Variants in STXBP5 observed in about 807,000 individuals in gnomAD.
The protein encoded by STXBP5 is syntaxin binding protein 5.
A neutral mutation model predicts 152.4 loss-of-function variants in STXBP5; 50 were observed. The ratio of observed to expected loss-of-function variants is 0.33; its 90% CI spans 0.26 to 0.42. The LOEUF is 0.42. Among genes scored for constraint, STXBP5 ranks in the 10% least tolerant of loss-of-function variants. The pLI is 1.00. For synonymous variants in STXBP5, 492 were observed against 494.7 expected, an observed-to-expected ratio of 0.99 and a Z score of 0.07; for missense variants, 1,167 against 1,388.6, an observed-to-expected ratio of 0.84 and a Z score of 2.54.
At chr6:147,354,378 C>T (rs1272017045) in intron 22 of STXBP5, among the ~76,000 whole-genome samples, 2 of 151,620 alleles carry the variant, frequency 1.3e-5, no homozygotes, top group Non-Finnish European at 2.9e-5. Flanking sequence ...TAGTAGAACC[C>T]TATAATATCC....
chr6:147,339,605 TTC>T (rs1783998621), intron 21 of STXBP5, among the ~76,000 whole-genome samples: 2 of 152,004 alleles, frequency 1.3e-5, no homozygotes, highest in African/African-American at 4.8e-5. Context: ...CAGTGTGAAT[TTC>T]TCTGTTAATT....
chr6:147,306,362 G>T (rs1044250023), intron 9 of STXBP5, among the ~76,000 whole-genome samples: 3 of 152,228 alleles, frequency 2.0e-5, no homozygotes, highest in Admixed American at 2.0e-4. Context: ...CATGGAGGGG[G>T]CCCCCAACTC....
chr6:147,383,666 A>C (rs566636100), intron 27 of STXBP5, among the ~76,000 whole-genome samples: 1 of 152,164 alleles, frequency 6.6e-6, no homozygotes, highest in Admixed American at 6.5e-5. Context: ...AGGTTACTTC[A>C]CACATCTAGT....
chr6:147,214,813 A>C (rs1471039496), intron 2 of STXBP5, among the ~76,000 whole-genome samples: 1 of 152,220 alleles, frequency 6.6e-6, no homozygotes, highest in Non-Finnish European at 1.5e-5. Context: ...AAGTAATGCA[A>C]ATCAGCAAAA....
In STXBP5 at chr6:147,386,501, G is replaced by A. The variant is rs1786345902; in HGVS notation, c.*1746G>A. 1 of 151,270 alleles carries A rather than the reference G, an allele frequency of 6.6e-6. No homozygotes were observed. The highest frequency in any genetic ancestry group is 1.5e-5 in the Non-Finnish European group (1 of 67,710). 9.4% of individuals were successfully genotyped at this position (151,270 alleles called of 1,614,324 possible). ...AGTTTACTTTAAATATCATTTGGTA[G>A]GGACTAAATGTGTGTGATAGAGATA... On this transcript the variant is annotated 3_prime_UTR_variant, in exon 28 of 28. Coordinates refer to ENST00000321680, the MANE Select transcript of STXBP5 (RefSeq NM_001127715.4).
chr6:147,355,088 T>A (rs1207572037), intron 22 of STXBP5, among the ~76,000 whole-genome samples: 3 of 152,126 alleles, frequency 2.0e-5, no homozygotes, highest in African/African-American at 4.8e-5. Context: ...TGCAGCACTG[T>A]ACTTGCACTA....
rs1052317212 is a variant in STXBP5 at position 147,287,933 on chromosome 6, A to G, written c.839-3161A>G. 3.9e-5 allele frequency among the ~76,000 whole-genome samples: 6 copies of G among 152,104 alleles called. No individual in the cohort carries two copies. The South Asian group carries it at 1.2e-3, about 32-fold the overall frequency. On this transcript the variant is annotated intron_variant, in intron 8 of 27. Transcript: ENST00000321680. ...CTTTTCCAGTGTCCTTGCCAGTGAT[A>G]GGTGTTATGAGTCATTTTACTTTTT...
intron 8 of STXBP5, among the ~76,000 whole-genome samples, chr6:147,286,716 A>G (rs1780979816): frequency 6.6e-6 from 1 of 152,138 alleles, no homozygotes; most frequent in Non-Finnish European, 1.5e-5. Flanking sequence ...GTAAAACCAA[A>G]GAGGGGAGGG....
At chr6:147,308,617 T>C (rs1782215818) in intron 9 of STXBP5, among the ~76,000 whole-genome samples, 2 of 152,240 alleles carry the variant, frequency 1.3e-5, no homozygotes, top group South Asian at 4.1e-4. Flanking sequence ...TAAATTTGTG[T>C]AGTGATAATT....
At chr6:147,317,472 G>C (rs1189496841) in intron 16 of STXBP5, among the ~76,000 whole-genome samples, 1 of 152,094 alleles carries the variant, frequency 6.6e-6, no homozygotes. Flanking sequence ...GCTTTTAGTA[G>C]ACACAACATG....
chr6:147,349,261 A>G (rs547346938), intron 21 of STXBP5, among the ~76,000 whole-genome samples: 2 of 152,272 alleles, frequency 1.3e-5, no homozygotes, highest in East Asian at 3.9e-4. Context: ...TTTCATCAGT[A>G]TATTGTTGTA....
chr6:147,261,969 A>C (rs1223669959), intron 5 of STXBP5, among the ~76,000 whole-genome samples: 1 of 151,948 alleles, frequency 6.6e-6, no homozygotes, highest in Non-Finnish European at 1.5e-5. Context: ...GTGCTGCATT[A>C]TTCAAAAATA....
chr6:147,251,343 T>A (rs1779086164), intron 4 of STXBP5, among the ~76,000 whole-genome samples: 1 of 152,022 alleles, frequency 6.6e-6, no homozygotes, highest in Non-Finnish European at 1.5e-5. Context: ...CTCCTGGGTT[T>A]CCAGCACAAA....
intron 21 of STXBP5, 139 bp from the exon 22 acceptor site, chr6:147,353,184 C>T: frequency 1.9e-6 from 1 of 539,464 alleles, no homozygotes; most frequent in Non-Finnish European, 3.2e-6. Flanking sequence ...TTACTTTCCA[C>T]TCCTAATATT....
rs1459252235 is a variant in STXBP5 at position 147,386,968 on chromosome 6, T to A, written c.*2213T>A. On this transcript the variant is annotated 3_prime_UTR_variant, in exon 28 of 28. Transcript: ENST00000321680. ...TCCTGTTGTATACAAAATGAACTAA[T>A]CTTGTAATTATTTTCAAATATAGAA... 3 of 151,806 alleles carry A rather than the reference T, an allele frequency of 2.0e-5. No individual in the cohort carries two copies. The East Asian group carries it at 5.8e-4, about 29-fold the overall frequency. The allele number at this position is 151,806 out of a possible 1,614,324, so 9.4% of individuals were successfully genotyped here. A position where few individuals can be genotyped will look rare whatever the true frequency, so the allele number is the denominator to read the frequency against.
intron 4 of STXBP5, among the ~76,000 whole-genome samples, chr6:147,259,656 G>A (rs1161607400): frequency 3.3e-5 from 5 of 152,012 alleles, no homozygotes; most frequent in African/African-American, 1.2e-4. Context: ...TGACAGGCTG[G>A]CAGTCATTAT....
In STXBP5 at chr6:147,363,587, G is replaced by A; in HGVS notation, c.2798G>A (p.Cys933Tyr). The A allele has an allele frequency of 6.2e-7, 1 of 1,614,176 alleles. No homozygotes were observed. Among genetic ancestry groups the A allele is most frequent in the East Asian group, 2.2e-5 (1 of 44,888 alleles). Residue 933 changes from cysteine to tyrosine, a missense_variant, in exon 24 of 28, where the codon TGT becomes TAT. Coordinates refer to ENST00000321680, the MANE Select transcript of STXBP5 (RefSeq NM_001127715.4). ...GTAATCTCACTGCCAACCCAGAACT[G>A]TGCTTATAAGCAAAATATTACAGAG... The part of the protein sequence containing the change: ...AKVISLPTQN[C>Y]AYKQNITETS...
In STXBP5 at chr6:147,204,743, G is replaced by C. The variant is rs1317018974; in HGVS notation, c.150+61G>C. ...GAAAAATTGGGGTTGTTTTAAGGGG[G>C]CTACTCGGGCTTTACATGGGAATGC... On this transcript the variant is annotated intron_variant, in intron 1 of 27. Transcript: ENST00000321680. The surrounding 1 kb of genome is among the most constrained non-coding windows in gnomAD (Gnocchi z 4.3). The C allele has an allele frequency of 6.8e-7, 1 of 1,471,246 alleles. No individual in the cohort carries two copies. The highest frequency in any genetic ancestry group is 9.1e-7 in the Non-Finnish European group (1 of 1,104,186). 91.1% of individuals were successfully genotyped at this position (1,471,246 alleles called of 1,614,324 possible). A position where few individuals can be genotyped will look rare whatever the true frequency, so the allele number is the denominator to read the frequency against.
At chr6:147,306,224 C>T (rs1782083853) in intron 9 of STXBP5, among the ~76,000 whole-genome samples, 1 of 152,124 alleles carries the variant, frequency 6.6e-6, no homozygotes, top group African/African-American at 2.4e-5. Flanking sequence ...TTGAATATTT[C>T]TTTGACAAGC....
Sources: gnomAD v4.1 joint callset for allele counts (sites outside exome capture counted in the v4.1 genomes callset) on GRCh38, gnomAD v4.1.1 for gene constraint, Gnocchi (gnomAD v3.1) non-coding constraint, MANE v1.5 for transcripts, NCBI Gene and HGNC (gene_info 2026-07-23, HGNC 2026-07-21) for gene names.